Variants in GNA12 observed in about 807,000 individuals in gnomAD.
GNA12 encodes the protein G protein subunit alpha 12, also known as guanine nucleotide-binding protein subunit alpha-12.
In GNA12, 9 loss-of-function variants were observed where a neutral mutation model predicts 26.0. The ratio of observed to expected loss-of-function variants is 0.35; its 90% CI spans 0.21 to 0.60. The LOEUF (loss-of-function observed/expected upper bound fraction) is 0.60, where lower values mean the gene tolerates loss of function less well. GNA12 is among the 20% of genes least tolerant of loss of function. The pLI, the probability that GNA12 is intolerant of heterozygous loss-of-function variation, is 0.78. For synonymous variants in GNA12, 264 were observed against 219.6 expected, an observed-to-expected ratio of 1.20 and a Z score of -1.79; for missense variants, 405 against 525.8, an observed-to-expected ratio of 0.77 and a Z score of 2.25.
At chr7:2,787,243 G>A (rs777697457) in intron 2 of GNA12, among the ~76,000 whole-genome samples, 5 of 152,110 alleles carry the variant, frequency 3.3e-5, no homozygotes, top group Admixed American at 2.0e-4. Context: ...CACCGCCTCC[G>A]TCACCGTCAC....
At chr7:2,749,601 T>C (rs1790928945) in intron 2 of GNA12, among the ~76,000 whole-genome samples, 4 of 152,026 alleles carry the variant, frequency 2.6e-5, no homozygotes, top group South Asian at 4.1e-4. Flanking sequence ...ACATGGCACA[T>C]GTATACATAT....
intron 1 of GNA12, among the ~76,000 whole-genome samples, chr7:2,810,604 T>A (rs1032004202): frequency 6.6e-6 from 1 of 152,170 alleles, no homozygotes; most frequent in Non-Finnish European, 1.5e-5. Flanking sequence ...ACTGGCAAGA[T>A]AATGAGAAAA....
At chr7:2,795,188 G>T in intron 1 of GNA12, 45 bp from the exon 2 acceptor site, 1 of 1,439,450 alleles carries the variant, frequency 6.9e-7, no homozygotes, top group Non-Finnish European at 9.8e-7. Flanking sequence ...GCATTCCAAA[G>T]ACTAAACCAC....
chr7:2,786,691 C>T (rs1792369489), intron 2 of GNA12, among the ~76,000 whole-genome samples: 1 of 152,198 alleles, frequency 6.6e-6, no homozygotes, highest in Admixed American at 6.5e-5. Flanking sequence ...ACTAATTAAA[C>T]ACTAATCGAA....
chr7:2,837,999 G>C (rs1026568042), intron 1 of GNA12, among the ~76,000 whole-genome samples: 1 of 152,088 alleles, frequency 6.6e-6, no homozygotes, highest in Non-Finnish European at 1.5e-5. Context: ...TAGTGAAGTG[G>C]GGTGGGTAAA....
intron 2 of GNA12, among the ~76,000 whole-genome samples, chr7:2,792,611 G>A (rs966188083): frequency 9.9e-5 from 15 of 152,196 alleles, no homozygotes; most frequent in Non-Finnish European, 2.1e-4. Context: ...AGTGTATGGG[G>A]AAAAGGTGTA....
chr7:2,817,723 C>T (rs1793248245), intron 1 of GNA12, among the ~76,000 whole-genome samples: 1 of 152,232 alleles, frequency 6.6e-6, no homozygotes, highest in Admixed American at 6.5e-5. Flanking sequence ...TCCAAGGTCA[C>T]TCAGGATTCT....
At chr7:2,804,784 C>T (rs1377549514) in intron 1 of GNA12, among the ~76,000 whole-genome samples, 1 of 151,836 alleles carries the variant, frequency 6.6e-6, no homozygotes, top group African/African-American at 2.4e-5. Context: ...GAGAGCTGGG[C>T]GTGATGGCTT....
intron 2 of GNA12, among the ~76,000 whole-genome samples, chr7:2,793,620 C>T (rs1242902169): frequency 6.6e-6 from 1 of 152,086 alleles, no homozygotes; most frequent in Non-Finnish European, 1.5e-5. Flanking sequence ...TGGTGGCTCA[C>T]ACCTGAAATC....
At chr7:2,821,439 G>C (rs1450017903) in intron 1 of GNA12, among the ~76,000 whole-genome samples, 1 of 152,172 alleles carries the variant, frequency 6.6e-6, no homozygotes, top group Admixed American at 6.5e-5. Flanking sequence ...ATCACGGCCA[G>C]GTGTTGGCAC....
chr7:2,831,662 C>CA (rs1165076989), intron 1 of GNA12, among the ~76,000 whole-genome samples: 1 of 152,066 alleles, frequency 6.6e-6, no homozygotes, highest in African/African-American at 2.4e-5. Context: ...CTCAGCCTCC[C>CA]AAAGTGCTGG....
At chr7:2,762,923 GGACGCCCCA>G (rs1562414491) in intron 2 of GNA12, 1 of 1,408,838 alleles carries the variant, frequency 7.1e-7, no homozygotes, top group Non-Finnish European at 9.3e-7. Flanking sequence ...CCACAGGCGG[GGACGCCCCA>G]GACACTCCCG....
At position 2,753,504 on chromosome 7, in the gene GNA12, T is replaced by G. The variant is rs576362038; in HGVS notation, c.526-20003A>C. ...TGTCCTTGGGATCTGCTCACACTGT[T>G]GCATCTGTCAGTAGCTTGCCCCTTT... On this transcript the variant is annotated intron_variant, in intron 2 of 3. Coordinates refer to ENST00000275364, the MANE Select transcript of GNA12 (RefSeq NM_007353.3). Among the ~76,000 whole-genome samples the G allele has an allele frequency of 4.6e-5, 7 of 152,332 alleles. No homozygotes were observed. The South Asian group carries it at 8.3e-4, about 18-fold the overall frequency.
intron 1 of GNA12, among the ~76,000 whole-genome samples, chr7:2,800,980 A>G (rs1349091960): frequency 1.3e-5 from 2 of 152,138 alleles, no homozygotes; most frequent in South Asian, 2.1e-4. Context: ...CCCACTATGC[A>G]CAACAAAAAC....
chr7:2,795,816 CTTTTTTTT>C (rs71026559), intron 1 of GNA12, among the ~76,000 whole-genome samples: 1 of 137,876 alleles, frequency 7.3e-6, no homozygotes, highest in African/African-American at 2.7e-5. Context: ...AAAAAAACAA[CTTTTTTTT>C]TTTTTTTTTT....
chr7:2,840,256 A>G (rs1270207668), intron 1 of GNA12, among the ~76,000 whole-genome samples: 4 of 152,194 alleles, frequency 2.6e-5, no homozygotes, highest in Admixed American at 6.5e-5. Context: ...CTCAAAATCA[A>G]AAGTTTAATT....
chr7:2,817,564 TA>T lies in GNA12; in HGVS notation c.310-22422del, dbSNP rs372944778. ...CAGCTCTCTCTGTGGAGACATTATATATTTCTTCACTTACTCATTATTTGTC... is the reference window on the plus strand; with the variant it reads ...CAGCTCTCTCTGTGGAGACATTATATTTTCTTCACTTACTCATTATTTGTC... On this transcript the variant is annotated intron_variant, in intron 1 of 3. Coordinates refer to ENST00000275364, the MANE Select transcript of GNA12 (RefSeq NM_007353.3). Among the ~76,000 whole-genome samples the T allele has an allele frequency of 3.3e-5, 5 of 152,350 alleles. No individual in the cohort carries two copies. The East Asian group carries it at 9.6e-4, about 29-fold the overall frequency.
rs150060718 is a variant in GNA12 at position 2,784,334 on chromosome 7, G to A, written c.525+10594C>T. On this transcript the variant is annotated intron_variant, in intron 2 of 3. Transcript: ENST00000275364. ...GGGGTTTTGCCCCGTTGCCCAGGCT[G>A]GTCTTGAACTCTGGACTCAAGCAAT... Among the ~76,000 whole-genome samples the A allele has an allele frequency of 5.3e-3, 811 of 152,206 alleles. 3 individuals are homozygous for A. Among genetic ancestry groups the A allele is most frequent in the African/African-American group, 0.018 (767 of 41,522 alleles).
chr7:2,843,129 G>A (rs990370394), intron 1 of GNA12, among the ~76,000 whole-genome samples: 6 of 151,586 alleles, frequency 4.0e-5, no homozygotes, highest in African/African-American at 1.2e-4. Flanking sequence ...AGTAAAAAGA[G>A]ACTCATGGCT....
Sources: gnomAD v4.1 joint callset for allele counts (sites outside exome capture counted in the v4.1 genomes callset) on GRCh38, gnomAD v4.1.1 for gene constraint, MANE v1.5 for transcripts, NCBI Gene and HGNC (gene_info 2026-07-23, HGNC 2026-07-21) for gene names.